The following SH3BP1 variants were observed in gnomAD, a reference collection of about 807,000 sequenced individuals.
The protein encoded by SH3BP1 is SH3 domain-binding protein 1.
A neutral mutation model predicts 69.8 loss-of-function variants in SH3BP1; 46 were observed. That is an observed-to-expected ratio of 0.66 (90% CI 0.52 to 0.84). The LOEUF (loss-of-function observed/expected upper bound fraction) is 0.84, where lower values mean the gene tolerates loss of function less well. SH3BP1 is among the 40% of genes least tolerant of loss of function. The probability of loss-of-function intolerance (pLI) is 0.00; values close to 1 mark genes in which losing one functional copy is unlikely to be tolerated. For synonymous variants in SH3BP1, 403 were observed against 378.0 expected (o/e 1.07, Z -0.77); for missense variants, 868 against 930.9 (o/e 0.93, Z 0.88).
chr22:37,653,755 C>T, intron 16 of SH3BP1, 24 bp from the exon 17 acceptor site: 2 of 1,569,878 alleles, frequency 1.3e-6, no homozygotes, highest in South Asian at 2.3e-5. Flanking sequence ...CTAAGTCTGC[C>T]CCATCCTCTC....
intron 10 of SH3BP1, among the ~76,000 whole-genome samples, chr22:37,646,198 G>A (rs570580816): frequency 6.6e-6 from 1 of 151,362 alleles, no homozygotes; most frequent in East Asian, 1.9e-4. Context: ...CCTAACCTCA[G>A]GTGATCCACC....
intron 17 of SH3BP1, 87 bp from the exon 18 acceptor site, chr22:37,655,184 CA>C: frequency 1.1e-6 from 1 of 942,892 alleles, no homozygotes; most frequent in Non-Finnish European, 1.5e-6. Context: ...ACAGCAGATG[CA>C]AAGGTTGTGA....
intron 10 of SH3BP1, among the ~76,000 whole-genome samples, chr22:37,645,841 C>T (rs980129946): frequency 6.6e-6 from 1 of 152,096 alleles, no homozygotes; most frequent in East Asian, 1.9e-4. Flanking sequence ...CTGGCTGGAT[C>T]TGCTGTGAAT....
rs1445369958 is a variant in SH3BP1, at chr22:37,641,144, G to A, written c.78G>A (p.Glu26=). The change falls in exon 2 of 18, where the codon GAG becomes GAA. Residue 26 remains glutamate, a synonymous_variant. Coordinates refer to ENST00000649765, the MANE Select transcript of SH3BP1 (RefSeq NM_018957.6). ...CCCGCAGCACCCCGGAGACCGCTGA[G>A]TTCCTGGGTGAGGACCTGCTGCAGG... ...GSLGRTPETA[E]FLGEDLLQVE... 9 of 1,503,510 alleles carry A rather than the reference G, an allele frequency of 6.0e-6. No homozygotes were observed. The East Asian group carries it at 2.0e-4, about 34-fold the overall frequency. 93.1% of individuals were successfully genotyped at this position (1,503,510 alleles called of 1,614,324 possible). A position where few individuals can be genotyped will look rare whatever the true frequency, so the allele number is the denominator to read the frequency against.
intron 9 of SH3BP1, 67 bp from the exon 10 acceptor site, chr22:37,645,298 G>C (rs916323271): frequency 8.4e-5 from 129 of 1,543,688 alleles, no homozygotes; most frequent in Non-Finnish European, 1.1e-4. Context: ...ACATGAAGGG[G>C]GGGTGCCCCT....
intron 10 of SH3BP1, 35 bp from the exon 11 acceptor site, chr22:37,646,783 C>A: frequency 7.2e-7 from 1 of 1,390,550 alleles, no homozygotes. Context: ...CTGCCCACCC[C>A]TCTGTGACCC....
chr22:37,640,731 T>G (rs1350241364), intron 1 of SH3BP1: 2 of 264,814 alleles, frequency 7.6e-6, no homozygotes, highest in Non-Finnish European at 1.5e-5. Flanking sequence ...CCTAGGAGTC[T>G]GAGCTCCTGC....
intron 7 of SH3BP1, 105 bp downstream of exon 7, chr22:37,643,893 C>A: frequency 7.1e-7 from 1 of 1,399,154 alleles, no homozygotes; most frequent in Non-Finnish European, 9.9e-7. Context: ...CATGACTTGC[C>A]TAAGGCCACG....
rs1228273069 is a variant in SH3BP1, at chr22:37,643,175, G to A, written c.473+1G>A. On this transcript the variant is annotated splice_donor_variant, in intron 6 of 17. Transcript: ENST00000649765. LOFTEE classifies it high-confidence loss of function. ...CCGACTGGAACACACTCAAGAGCAG[G>A]TGGGAGCCCCAGCCGCTCAGGGGGC... The A allele has an allele frequency of 1.3e-6, 2 of 1,596,458 alleles. No homozygotes were observed. Among genetic ancestry groups the A allele is most frequent in the Non-Finnish European group, 1.7e-6 (2 of 1,172,438 alleles).
At chr22:37,645,283 TGAG>T in intron 9 of SH3BP1, 79 bp from the exon 10 acceptor site, 1 of 1,513,428 alleles carries the variant, frequency 6.6e-7, no homozygotes, top group Non-Finnish European at 9.0e-7. Context: ...GGTACCACCT[TGAG>T]GACATGAAGG....
In SH3BP1 at chr22:37,650,575, C is replaced by T; in HGVS notation, c.1448C>T (p.Ala483Val). ...TTCAACGTGTCAGGCCTCTTCTCAG[C>T]TGTTACCCTCCAGGACACAGTCAGT... is the stretch of plus-strand genomic sequence containing the variant. Reference protein sequence around the residue: ...INFNVSGLFSAVTLQDTVSDR... With the variant: ...INFNVSGLFSVVTLQDTVSDR... Residue 483 changes from alanine (A) to valine (V), a missense_variant, in exon 16 of 18, where the codon GCT becomes GTT. By Grantham distance (64) the Ala-to-Val change is moderately conservative (BLOSUM62 0). This residue lies in a region of SH3BP1 where 474 missense variants were observed against 462.3 expected (regional missense o/e 1.03). Coordinates refer to ENST00000649765, the MANE Select transcript of SH3BP1 (RefSeq NM_018957.6). 6.2e-7 allele frequency: 1 copy of T among 1,613,678 alleles called. No homozygotes were observed. The highest frequency in any genetic ancestry group is 2.2e-5 in the East Asian group (1 of 44,882).
At chr22:37,649,672 T>G (rs1461561120) in intron 14 of SH3BP1, among the ~76,000 whole-genome samples, 1 of 151,996 alleles carries the variant, frequency 6.6e-6, no homozygotes, top group Non-Finnish European at 1.5e-5. Context: ...TAATCCCAGC[T>G]ACTCGGGAGG....
chr22:37,650,473 G>T, intron 15 of SH3BP1, 69 bp from the exon 16 acceptor site: 1 of 1,542,840 alleles, frequency 6.5e-7, no homozygotes, highest in South Asian at 1.2e-5. Context: ...AAGGGGAAAC[G>T]GTCCCGGCCA....
intron 4 of SH3BP1, 40 bp from the exon 5 acceptor site, chr22:37,642,855 G>A (rs1421631615): frequency 1.9e-6 from 3 of 1,602,056 alleles, no homozygotes; most frequent in Non-Finnish European, 1.7e-6. Context: ...TGGAGGTGAG[G>A]GCAGCGGGCG....
chr22:37,648,689 G>T, intron 14 of SH3BP1: 2 of 359,980 alleles, frequency 5.6e-6, no homozygotes, highest in Non-Finnish European at 5.1e-6. Flanking sequence ...TGGGAGCCCA[G>T]AGATCGGGTT....
chr22:37,642,515 T>C (rs1481554981), intron 3 of SH3BP1, 24 bp from the exon 4 acceptor site: 1 of 1,611,648 alleles, frequency 6.2e-7, no homozygotes, highest in South Asian at 1.1e-5. Flanking sequence ...CGGACACTCA[T>C]CGCCGGCCCC....
chr22:37,655,435 G>A lies in SH3BP1; in HGVS notation c.1857G>A (p.Val619=). ...LVGSSLRAPT[V]PPPLPPTPPQ... ...GCAGCAGCCTCCGAGCCCCCACAGT[G>A]CCACCCCCGTTACCCCCCACACCCC... The change falls in exon 18 of 18, where the codon GTG becomes GTA. Residue 619 remains valine, a synonymous_variant. Transcript: ENST00000649765. 1 of 1,288,972 alleles carries A rather than the reference G, an allele frequency of 7.8e-7. No homozygotes were observed. Among genetic ancestry groups the A allele is most frequent in the South Asian group, 1.4e-5 (1 of 71,348 alleles). The allele number at this position is 1,288,972 out of a possible 1,614,324, so 79.8% of individuals were successfully genotyped here.
chr22:37,648,700 CTTTTT>C (rs993648456), intron 14 of SH3BP1: 150 of 157,830 alleles, frequency 9.5e-4, no homozygotes, highest in East Asian at 3.7e-3. Context: ...AGATCGGGTT[CTTTTT>C]TTTTTTTTTT....
chr22:37,648,697 GT>G (rs1266098520), intron 14 of SH3BP1: 1 of 316,654 alleles, frequency 3.2e-6, no homozygotes, highest in South Asian at 5.5e-5. Context: ...CAGAGATCGG[GT>G]TCTTTTTTTT....
Sources: allele counts gnomAD v4.1 joint callset (sites outside exome capture counted in the v4.1 genomes callset), GRCh38; gene constraint gnomAD v4.1.1; regional missense constraint gnomAD v4.1.1; transcripts MANE v1.5; gene names NCBI Gene and HGNC (gene_info 2026-07-23, HGNC 2026-07-21).